The following KIF24 variants were observed in gnomAD, a reference collection of about 807,000 sequenced individuals.
The protein encoded by KIF24 is kinesin family member 24.
In KIF24, 81 loss-of-function variants were observed where a neutral mutation model predicts 118.9. The ratio of observed to expected loss-of-function variants is 0.68; its 90% CI spans 0.57 to 0.82. KIF24 has a LOEUF of 0.82. Among genes scored for constraint, KIF24 ranks in the 40% least tolerant of loss-of-function variants. The pLI, the probability that KIF24 is intolerant of heterozygous loss-of-function variation, is 0.00. For synonymous variants in KIF24, 599 were observed against 610.0 expected (o/e 0.98, Z 0.27); for missense variants, 1,560 against 1,661.6 (o/e 0.94, Z 1.06).
chr9:34,275,462 G>A (rs546143557), intron 6 of KIF24, among the ~76,000 whole-genome samples: 15 of 152,068 alleles, frequency 9.9e-5, no homozygotes, highest in Non-Finnish European at 1.5e-4. Context: ...CAGAACTTTG[G>A]GAGGCTGAGG....
chr9:34,313,661 C>T (rs1261616651), intron 1 of KIF24, among the ~76,000 whole-genome samples: 1 of 150,992 alleles, frequency 6.6e-6, no homozygotes, highest in African/African-American at 2.4e-5. Flanking sequence ...TTTAGGTTCA[C>T]AGCAAAAATA....
chr9:34,261,195 G>A (rs1237364489), intron 9 of KIF24, among the ~76,000 whole-genome samples: 1 of 152,108 alleles, frequency 6.6e-6, no homozygotes, highest in Non-Finnish European at 1.5e-5. Context: ...GCCCATGTGC[G>A]GGGCTGGCTT....
Position 34,259,632 on chromosome 9 carries a change from G to C in KIF24, c.1589C>G (p.Thr530Ser). The C allele has an allele frequency of 6.2e-7, 1 of 1,613,980 alleles. No individual in the cohort carries two copies. Among genetic ancestry groups the C allele is most frequent in the Non-Finnish European group, 8.5e-7 (1 of 1,179,860 alleles). ...IANISPSHVA[T>S]EHTLNTLRYA... ...GCGCAAGGTGTTGAGAGTGTGTTCA[G>C]TGGCCACGTGGCTTGGTGAGATGTT... is the stretch of plus-strand genomic sequence containing the variant. Residue 530 changes from threonine to serine, a missense_variant, in exon 10 of 13, where the codon ACT becomes AGT. Coordinates refer to ENST00000402558, the MANE Select transcript of KIF24 (RefSeq NM_194313.4).
intron 4 of KIF24, among the ~76,000 whole-genome samples, chr9:34,295,959 C>G (rs1243940881): frequency 6.6e-6 from 1 of 151,936 alleles, no homozygotes; most frequent in Non-Finnish European, 1.5e-5. Flanking sequence ...ATGGCTCACA[C>G]CTGTAATCCC....
At position 34,257,682 on chromosome 9, in the gene KIF24, A is replaced by T; in HGVS notation, c.1925T>A (p.Val642Asp). ...TCCTTTCACAGGGCTAGCATGAATG[A>T]CCCACTCTTGTGAAGGACTCCCTCT... ...GSRGSPSQEW[V>D]IHASPVKGTV... is the part of the protein sequence containing the mutation. The change falls in exon 11 of 13, where the codon GTC (valine) becomes GAC (aspartate). Residue 642 changes from valine (V) to aspartate (D), a missense_variant. Val to Asp is a radical substitution (Grantham distance 152). Transcript: ENST00000402558. 6.2e-7 allele frequency: 1 copy of T among 1,613,958 alleles called. No individual in the cohort carries two copies. Among genetic ancestry groups the T allele is most frequent in the Admixed American group, 1.7e-5 (1 of 60,020 alleles).
In KIF24 at chr9:34,256,465, G is replaced by T. The variant is rs765266681; in HGVS notation, c.3142C>A (p.Leu1048Ile). The change falls in exon 11 of 13, where the codon CTC (leucine) becomes ATC (isoleucine). Residue 1048 changes from leucine to isoleucine, a missense_variant. By Grantham distance (5) the Leu-to-Ile change is conservative (BLOSUM62 2). This residue lies in a region of KIF24 where 591 missense variants were observed against 655.6 expected (regional missense o/e 0.90). Coordinates refer to ENST00000402558, the MANE Select transcript of KIF24 (RefSeq NM_194313.4). ...LGTHAEYASG[L>I]MSPLTMSLLE... ...AGGGACATGGTGAGGGGAGACATGA[G>T]TCCAGAAGCATATTCAGCATGCGTG... 6.2e-7 allele frequency: 1 copy of T among 1,613,860 alleles called. No individual in the cohort carries two copies. Among genetic ancestry groups the T allele is most frequent in the Non-Finnish European group, 8.5e-7 (1 of 1,179,832 alleles).
intron 1 of KIF24, chr9:34,319,124 G>A (rs1268609783): frequency 6.8e-7 from 1 of 1,476,998 alleles, no homozygotes; most frequent in Non-Finnish European, 9.5e-7. Flanking sequence ...GCACCAGACA[G>A]GCCTCTACAA....
intron 1 of KIF24, among the ~76,000 whole-genome samples, chr9:34,324,947 T>C (rs1403081786): frequency 1.3e-5 from 2 of 152,148 alleles, no homozygotes; most frequent in Admixed American, 1.3e-4. Flanking sequence ...CTTTTGCATA[T>C]CTCTATTATT....
intron 10 of KIF24, 108 bp from the exon 11 acceptor site, chr9:34,258,089 G>A: frequency 1.2e-6 from 1 of 847,854 alleles, no homozygotes; most frequent in South Asian, 1.7e-5. Flanking sequence ...ACAAGGATTG[G>A]GAGTTATTTC....
chr9:34,306,178 C>A, intron 3 of KIF24, 74 bp downstream of exon 3: 1 of 944,364 alleles, frequency 1.1e-6, no homozygotes, highest in South Asian at 1.6e-5. Context: ...TGTATGCCAC[C>A]ACTCAAACAA....
At chr9:34,301,073 CTTT>C (rs1379913838) in intron 3 of KIF24, among the ~76,000 whole-genome samples, 11 of 152,082 alleles carry the variant, frequency 7.2e-5, no homozygotes, top group Admixed American at 5.9e-4. Flanking sequence ...TTTCCCAGTA[CTTT>C]TGTAAATATC....
chr9:34,283,315 T>C (rs1022470390), intron 6 of KIF24, among the ~76,000 whole-genome samples: 5 of 151,758 alleles, frequency 3.3e-5, no homozygotes, highest in Non-Finnish European at 7.4e-5. Context: ...GAGACTGCAG[T>C]GAGCTGAAAT....
chr9:34,259,448 A>G (rs1587911083), intron 10 of KIF24, 148 bp downstream of exon 10: 2 of 592,184 alleles, frequency 3.4e-6, no homozygotes, highest in East Asian at 2.9e-5. Context: ...TGTGGCGCTC[A>G]AGGTCAGATC....
chr9:34,321,361 A>C (rs1421390540), intron 1 of KIF24, among the ~76,000 whole-genome samples: 1 of 152,134 alleles, frequency 6.6e-6, no homozygotes, highest in Non-Finnish European at 1.5e-5. Flanking sequence ...GGTGTGATAC[A>C]TGGTCAAATT....
At chr9:34,325,327 AG>A (rs1837639188) in intron 1 of KIF24, among the ~76,000 whole-genome samples, 1 of 138,980 alleles carries the variant, frequency 7.2e-6, no homozygotes, top group Non-Finnish European at 1.5e-5. Flanking sequence ...CCTGGGCAGT[AG>A]GGTGAGACTT....
At chr9:34,262,783 C>G (rs908913419) in intron 9 of KIF24, among the ~76,000 whole-genome samples, 4 of 142,544 alleles carry the variant, frequency 2.8e-5, no homozygotes, top group Non-Finnish European at 6.0e-5. Flanking sequence ...ATTGCTTGAG[C>G]CTGGGAGGCA....
Position 34,295,376 on chromosome 9 carries a change from T to TA in KIF24, c.911+1640dup, listed in dbSNP as rs558366756. Among the ~76,000 whole-genome samples the TA allele has an allele frequency of 8.2e-3, 1,214 of 148,010 alleles. 13 individuals are homozygous for TA. The highest frequency in any genetic ancestry group is 0.014 in the Non-Finnish European group (924 of 66,586). Reference sequence around the variant, plus strand: ...GTGCACATCACCATGCCTGGCTAATTAAAAAAAAAAATTTTATAGACCAGG... The same window carrying TA: ...GTGCACATCACCATGCCTGGCTAATTAAAAAAAAAAAATTTTATAGACCAGG... On this transcript the variant is annotated intron_variant, in intron 4 of 12. Transcript: ENST00000402558.
At chr9:34,323,543 G>A (rs1837585016) in intron 1 of KIF24, among the ~76,000 whole-genome samples, 1 of 152,160 alleles carries the variant, frequency 6.6e-6, no homozygotes, top group Non-Finnish European at 1.5e-5. Context: ...TTAAAATCTT[G>A]CTCTGACAGA....
At chr9:34,260,439 T>G (rs1835011785) in intron 9 of KIF24, among the ~76,000 whole-genome samples, 1 of 152,158 alleles carries the variant, frequency 6.6e-6, no homozygotes, top group Non-Finnish European at 1.5e-5. Context: ...TATCTAAAGC[T>G]TCTATCTTCG....
Sources: allele counts gnomAD v4.1 joint callset (sites outside exome capture counted in the v4.1 genomes callset), GRCh38; gene constraint gnomAD v4.1.1; regional missense constraint gnomAD v4.1.1; transcripts MANE v1.5; gene names NCBI Gene and HGNC (gene_info 2026-07-23, HGNC 2026-07-21).